The following SNED1 variants were observed in gnomAD, a reference collection of about 807,000 sequenced individuals.
SNED1 encodes sushi, nidogen and EGF-like domain-containing protein 1.
A neutral mutation model predicts 166.7 loss-of-function variants in SNED1; 81 were observed. That is an observed-to-expected ratio of 0.49 (90% CI 0.41 to 0.58). The LOEUF is 0.58. SNED1 is among the 20% of genes least tolerant of loss of function. The pLI is 0.00. For synonymous variants in SNED1, 762 were observed against 822.0 expected (o/e 0.93, Z 1.25); for missense variants, 1,604 against 2,000.2 (o/e 0.80, Z 3.78).
intron 29 of SNED1, among the ~76,000 whole-genome samples, chr2:241,084,134 A>ATTTTTT (rs368364855): frequency 0.016 from 1,931 of 123,162 alleles, 83 homozygotes; most frequent in African/African-American, 0.045. Flanking sequence ...AGCGTCTAGG[A>ATTTTTT]TTTTTTTTTT....
rs146982183 is a variant in SNED1 at position 241,018,544 on chromosome 2, C to T, written c.214-11740C>T. 0.017 allele frequency among the ~76,000 whole-genome samples: 2,578 copies of T among 152,324 alleles called. 37 individuals are homozygous for T. Among genetic ancestry groups the T allele is most frequent in the South Asian group, 0.04 (191 of 4,828 alleles). ...CGGGACTGGCGTTCTCTCTCTTCAG[C>T]CAGGAAGCCAGAATGCACATCCCAG... On this transcript the variant is annotated intron_variant, in intron 1 of 31. Coordinates refer to ENST00000310397, the MANE Select transcript of SNED1 (RefSeq NM_001080437.3). This position sits in a 1 kb window ranked among gnomAD's most constrained non-coding sequence, Gnocchi z 5.4.
rs1457365423 is a variant in SNED1, at chr2:241,068,899, T to A, written c.3195-12T>A. The A allele has an allele frequency of 6.5e-7, 1 of 1,534,442 alleles. No homozygotes were observed. Among genetic ancestry groups the A allele is most frequent in the East Asian group, 2.4e-5 (1 of 40,862 alleles). ...ACATCCCTGTTCTCTCTTTGTCACC[T>A]CCTGCCCACAGGGCCCTGCTGCCTG... is the stretch of plus-strand genomic sequence containing the variant. On this transcript the variant is annotated splice_polypyrimidine_tract_variant and intron_variant, in intron 22 of 31. Coordinates refer to ENST00000310397, the MANE Select transcript of SNED1 (RefSeq NM_001080437.3). This position sits in a 1 kb window ranked among gnomAD's most constrained non-coding sequence, Gnocchi z 5.3.
chr2:241,029,273 A>G (rs1030541912), intron 1 of SNED1, among the ~76,000 whole-genome samples: 13 of 152,212 alleles, frequency 8.5e-5, no homozygotes, highest in Admixed American at 8.5e-4. Flanking sequence ...TAAGCAACAG[A>G]AATATATTTT....
In SNED1 at chr2:241,094,895, T is replaced by C. The variant is rs1183435379; in HGVS notation, c.*3259T>C. 6.3e-6 allele frequency: 1 copy of C among 158,410 alleles called. No homozygotes were observed. Among genetic ancestry groups the C allele is most frequent in the Non-Finnish European group, 1.4e-5 (1 of 71,862 alleles). 9.8% of individuals were successfully genotyped at this position (158,410 alleles called of 1,614,324 possible). A position where few individuals can be genotyped will look rare whatever the true frequency, so the allele number is the denominator to read the frequency against. On this transcript the variant is annotated 3_prime_UTR_variant, in exon 32 of 32. Coordinates refer to ENST00000310397, the MANE Select transcript of SNED1 (RefSeq NM_001080437.3). This position sits in a 1 kb window ranked among gnomAD's most constrained non-coding sequence, Gnocchi z 4.3. ...CAGTTTCCCCTAAAAGAGGGCTAAC[T>C]GGAATGTTCTAGGATGTACCAATCC...
chr2:241,089,169 T>A (rs1253890436), intron 31 of SNED1: 2 of 855,278 alleles, frequency 2.3e-6, no homozygotes, highest in Non-Finnish European at 3.5e-6. Context: ...CTACAACCTG[T>A]TACCAGTTTC....
rs2125255724 is a variant in SNED1, at chr2:241,073,649, T to C, written c.3916+285T>C. On this transcript the variant is annotated intron_variant, in intron 27 of 31. Transcript: ENST00000310397. This position sits in a 1 kb window ranked among gnomAD's most constrained non-coding sequence, Gnocchi z 6.6. ...CTTTGATGCTGCCTCCCCTCCCCTC[T>C]CCTCCTTCGCCTCCACATGCAGCAG... The C allele has an allele frequency of 2.0e-6, 1 of 501,736 alleles. No individual in the cohort carries two copies. The highest frequency in any genetic ancestry group is 3.5e-6 in the Non-Finnish European group (1 of 282,904). 31.1% of individuals were successfully genotyped at this position (501,736 alleles called of 1,614,324 possible). A position where few individuals can be genotyped will look rare whatever the true frequency, so the allele number is the denominator to read the frequency against.
rs746501573 is a variant in SNED1, at chr2:241,030,349, C to T, written c.279C>T (p.Pro93=). The T allele has an allele frequency of 2.0e-5, 32 of 1,609,710 alleles. No homozygotes were observed. In the East Asian group the frequency reaches 2.5e-4, roughly 12 times the overall value. Residue 93 remains proline, a synonymous_variant, in exon 2 of 32, where the codon CCC becomes CCT. Coordinates refer to ENST00000310397, the MANE Select transcript of SNED1 (RefSeq NM_001080437.3). The part of the protein sequence containing the change: ...EVSQFTPVAF[P]IAKDRCVVAA... ...CTCAGTTCACCCCAGTGGCCTTCCC[C>T]ATTGCCAAGGACCGCTGCGTGGTGG... is the stretch of plus-strand genomic sequence containing the variant.
At position 241,069,753 on chromosome 2, in the gene SNED1, G is replaced by A. The variant is rs2062622407; in HGVS notation, c.3308-167G>A. On this transcript the variant is annotated intron_variant, in intron 23 of 31. Transcript: ENST00000310397. The surrounding 1 kb of genome is among the most constrained non-coding windows in gnomAD (Gnocchi z 4.9). ...GCAGGTCTCTCGGTTGGAAGATTGT[G>A]CTGTACGTGCCAGCCCACACCCCGC... Among the ~76,000 whole-genome samples, 2 of 152,084 alleles carry A rather than the reference G, an allele frequency of 1.3e-5. No homozygotes were observed. Among genetic ancestry groups the A allele is most frequent in the Admixed American group, 6.5e-5 (1 of 15,278 alleles).
At chr2:241,060,565 T>C (rs1344271529) in intron 16 of SNED1, among the ~76,000 whole-genome samples, 2 of 152,222 alleles carry the variant, frequency 1.3e-5, no homozygotes, top group Non-Finnish European at 2.9e-5. Flanking sequence ...GTTTTGTACT[T>C]GGAAAAATAT....
rs1291548637 is a variant in SNED1, at chr2:241,070,063, G to C, written c.3451G>C (p.Val1151Leu). The change falls in exon 24 of 32, where the codon GTC (valine) becomes CTC (leucine). Residue 1151 changes from valine to leucine, a missense_variant. Val to Leu is a conservative substitution (Grantham distance 32, BLOSUM62 1). Coordinates refer to ENST00000310397, the MANE Select transcript of SNED1 (RefSeq NM_001080437.3). ...TTSQSTKSRY[V>L]PNGKLASYTV... is the part of the protein sequence containing the mutation. ...CAGCCAGAGCACCAAGAGCCGCTATGTCCCCAACGGGAAGCTGGCGTCCTA... is the reference window on the plus strand; with the variant it reads ...CAGCCAGAGCACCAAGAGCCGCTATCTCCCCAACGGGAAGCTGGCGTCCTA... The C allele has an allele frequency of 6.2e-7, 1 of 1,613,114 alleles. No individual in the cohort carries two copies. Among genetic ancestry groups the C allele is most frequent in the East Asian group, 2.2e-5 (1 of 44,876 alleles).
At chr2:241,011,114 GTCTCCTGGGGGTGGCAGGTCTCCTGGT>G (rs1194109131) in intron 1 of SNED1, among the ~76,000 whole-genome samples, 1,960 of 141,900 alleles carry the variant, frequency 0.014, 65 homozygotes, top group East Asian at 0.056. Context: ...GGTCTCCTGG[GTCTCCTGGGGGTGGCAGGTCTCCTGGT>G]TCTCCTGGGT....
At chr2:241,027,329 C>T (rs2061002164) in intron 1 of SNED1, among the ~76,000 whole-genome samples, 1 of 152,212 alleles carries the variant, frequency 6.6e-6, no homozygotes, top group Admixed American at 6.5e-5. Context: ...GATCCACCTG[C>T]CTCAGCCACC....
At position 241,063,607 on chromosome 2, in the gene SNED1, C is replaced by T. The variant is rs982471368; in HGVS notation, c.2392C>T (p.His798Tyr). ...CELERDECRA[H>Y]PCRNGGSCRN... ...TGCAGAGAGGGATGAGTGCCGAGCT[C>T]ACCCGTGCAGAAATGGAGGGTCCTG... Residue 798 changes from histidine to tyrosine, a missense_variant, in exon 18 of 32, where the codon CAC (histidine) becomes TAC (tyrosine). This residue lies in a region of SNED1 where 1,237 missense variants were observed against 1,620.8 expected (regional missense o/e 0.76). Transcript: ENST00000310397. 6.2e-7 allele frequency: 1 copy of T among 1,610,472 alleles called. No individual in the cohort carries two copies. The highest frequency in any genetic ancestry group is 8.5e-7 in the Non-Finnish European group (1 of 1,178,482).
chr2:241,082,014 A>G (rs1288270986), intron 28 of SNED1, among the ~76,000 whole-genome samples: 1 of 152,214 alleles, frequency 6.6e-6, no homozygotes, highest in African/African-American at 2.4e-5. Context: ...CAGAACAGCC[A>G]CAGCATGCGA....
At chr2:241,005,615 T>C (rs1435828756) in intron 1 of SNED1, among the ~76,000 whole-genome samples, 1 of 152,112 alleles carries the variant, frequency 6.6e-6, no homozygotes, top group Non-Finnish European at 1.5e-5. Context: ...AATCTGAAAA[T>C]CTCTTTATCT....
chr2:241,073,219 G>A lies in SNED1; in HGVS notation c.3818-47G>A, dbSNP rs377723476. On this transcript the variant is annotated intron_variant, in intron 26 of 31. Transcript: ENST00000310397. This position sits in a 1 kb window ranked among gnomAD's most constrained non-coding sequence, Gnocchi z 6.6. ...AAAAGGGTGGCCCCAGGACCATCCC[G>A]GGTGCAAAGCAGCTGCGCCGTGTGG... 1,541 of 1,419,512 alleles carry A rather than the reference G, an allele frequency of 1.1e-3. 1 individual carries two copies. The highest frequency in any genetic ancestry group is 1.3e-3 in the Non-Finnish European group (1,387 of 1,029,756). The allele number at this position is 1,419,512 out of a possible 1,614,324, so 87.9% of individuals were successfully genotyped here. A position where few individuals can be genotyped will look rare whatever the true frequency, so the allele number is the denominator to read the frequency against.
chr2:241,011,487 G>C (rs1283368787), intron 1 of SNED1, among the ~76,000 whole-genome samples: 1 of 152,230 alleles, frequency 6.6e-6, no homozygotes, highest in African/African-American at 2.4e-5. Context: ...GTCAGGACGA[G>C]GGACTAAACC....
chr2:241,073,216 C>T lies in SNED1; in HGVS notation c.3818-50C>T, dbSNP rs1357253469. ...CTCAAAAGGGTGGCCCCAGGACCAT[C>T]CCGGGTGCAAAGCAGCTGCGCCGTG... On this transcript the variant is annotated intron_variant, in intron 26 of 31. Coordinates refer to ENST00000310397, the MANE Select transcript of SNED1 (RefSeq NM_001080437.3). This position sits in a 1 kb window ranked among gnomAD's most constrained non-coding sequence, Gnocchi z 6.6. The T allele has an allele frequency of 7.2e-7, 1 of 1,398,320 alleles. No individual in the cohort carries two copies. Among genetic ancestry groups the T allele is most frequent in the East Asian group, 2.5e-5 (1 of 39,826 alleles). The allele number at this position is 1,398,320 out of a possible 1,614,324, so 86.6% of individuals were successfully genotyped here.
Position 241,073,170 on chromosome 2 carries a change from G to A in SNED1, c.3818-96G>A, listed in dbSNP as rs1022325825. Reference sequence around the variant, plus strand: ...CCTGGTCCCCACCAGGGACATCCGTGCTCCCTGAGATATAGAAGCACTCAA... The same window carrying A: ...CCTGGTCCCCACCAGGGACATCCGTACTCCCTGAGATATAGAAGCACTCAA... On this transcript the variant is annotated intron_variant, in intron 26 of 31. Coordinates refer to ENST00000310397, the MANE Select transcript of SNED1 (RefSeq NM_001080437.3). The surrounding 1 kb of genome is among the most constrained non-coding windows in gnomAD (Gnocchi z 6.6). The A allele has an allele frequency of 2.3e-6, 2 of 864,094 alleles. No individual in the cohort carries two copies. The highest frequency in any genetic ancestry group is 4.7e-5 in the Admixed American group (2 of 42,634). 53.5% of individuals were successfully genotyped at this position (864,094 alleles called of 1,614,324 possible).
Sources: gnomAD v4.1 joint callset for allele counts (sites outside exome capture counted in the v4.1 genomes callset) on GRCh38, gnomAD v4.1.1 for gene constraint, gnomAD v4.1.1 regional missense constraint, Gnocchi (gnomAD v3.1) non-coding constraint, MANE v1.5 for transcripts, NCBI Gene and HGNC (gene_info 2026-07-23, HGNC 2026-07-21) for gene names.